The following AKAP10 variants were observed in gnomAD, a reference collection of about 807,000 sequenced individuals.
AKAP10 encodes A-kinase anchor protein 10, mitochondrial.
AKAP10 carries 24 observed loss-of-function variants against 80.8 expected under a neutral mutation model. The observed-to-expected ratio is 0.30, with a 90% confidence interval of 0.22 to 0.42. The LOEUF (loss-of-function observed/expected upper bound fraction) is 0.42. AKAP10 is among the 10% of genes least tolerant of loss of function. The pLI is 1.00. For synonymous variants in AKAP10, 291 were observed against 277.7 expected (o/e 1.05, Z -0.48); for missense variants, 661 against 794.9 (o/e 0.83, Z 2.03).
intron 12 of AKAP10, among the ~76,000 whole-genome samples, chr17:19,913,460 T>C (rs145287647): frequency 9.9e-5 from 15 of 152,224 alleles, no homozygotes; most frequent in African/African-American, 3.4e-4. Flanking sequence ...CCCTAATTGT[T>C]GTATTTTTAA....
chr17:19,973,516 C>A (rs956222448), intron 1 of AKAP10, among the ~76,000 whole-genome samples: 1 of 152,178 alleles, frequency 6.6e-6, no homozygotes, highest in Non-Finnish European at 1.5e-5. Flanking sequence ...TATCTTTTCC[C>A]AACTAGGAAC....
chr17:19,962,072 TACCACTGC>T, intron 3 of AKAP10, among the ~76,000 whole-genome samples: 2 of 152,006 alleles, frequency 1.3e-5, no homozygotes, highest in Admixed American at 6.6e-5. Context: ...ACCATGATCA[TACCACTGC>T]ACTCCAGCCT....
intron 1 of AKAP10, 31 bp from the exon 2 acceptor site, chr17:19,968,492 T>A: frequency 6.3e-7 from 1 of 1,583,660 alleles, no homozygotes; most frequent in Non-Finnish European, 8.7e-7. Flanking sequence ...TATGACCAAC[T>A]TTTGCAGTCA....
In AKAP10 at chr17:19,973,984, C is replaced by T. The variant is rs188635944; in HGVS notation, c.88+3608G>A. On this transcript the variant is annotated intron_variant, in intron 1 of 14. Coordinates refer to ENST00000225737, the MANE Select transcript of AKAP10 (RefSeq NM_007202.4). The stretch of plus-strand genomic sequence containing the variant: ...TTGGGAGGCCGAGGCAGGCAGATCA[C>T]CTGAGGTCAGGAGTACAAAACCAGC... Among the ~76,000 whole-genome samples, 91 of 152,264 alleles carry T rather than the reference C, an allele frequency of 6.0e-4. No individual in the cohort carries two copies. The Middle Eastern group carries it at 0.034, about 57-fold the overall frequency.
chr17:19,918,746 G>A (rs1017547773), intron 12 of AKAP10, among the ~76,000 whole-genome samples: 1 of 152,022 alleles, frequency 6.6e-6, no homozygotes, highest in African/African-American at 2.4e-5. Context: ...CATCTGTCAC[G>A]GATCCACATT....
At chr17:19,955,436 A>C (rs1456030476) in intron 4 of AKAP10, among the ~76,000 whole-genome samples, 1 of 152,166 alleles carries the variant, frequency 6.6e-6, no homozygotes, top group East Asian at 1.9e-4. Flanking sequence ...CTTACTATAT[A>C]TAATATTTGA....
chr17:19,971,056 G>A (rs537163271), intron 1 of AKAP10, among the ~76,000 whole-genome samples: 20 of 151,568 alleles, frequency 1.3e-4, no homozygotes, highest in African/African-American at 3.9e-4. Context: ...TTGCTATCTC[G>A]CCCAGGCTAG....
chr17:19,906,807 G>C (rs2042635872), intron 14 of AKAP10, among the ~76,000 whole-genome samples: 1 of 152,192 alleles, frequency 6.6e-6, no homozygotes, highest in African/African-American at 2.4e-5. Flanking sequence ...ACAGGATAAA[G>C]AGAATGAGTA....
chr17:19,953,691 C>G (rs1567770531), intron 4 of AKAP10, among the ~76,000 whole-genome samples: 1 of 152,148 alleles, frequency 6.6e-6, no homozygotes, highest in Admixed American at 6.5e-5. Context: ...AGTCCTATAT[C>G]TATTAAATAA....
intron 2 of AKAP10, among the ~76,000 whole-genome samples, chr17:19,965,749 C>A (rs1319828026): frequency 1.3e-5 from 2 of 152,156 alleles, no homozygotes; most frequent in Non-Finnish European, 2.9e-5. Flanking sequence ...GTGCTTCACT[C>A]AGTTTGACTA....
At chr17:19,935,883 T>C (rs1454338339) in intron 9 of AKAP10, 1 of 153,472 alleles carries the variant, frequency 6.5e-6, no homozygotes, top group Non-Finnish European at 1.5e-5. Flanking sequence ...TCTAAAATAA[T>C]GATTAAAAGT....
At chr17:19,967,216 C>T (rs1011624618) in intron 2 of AKAP10, among the ~76,000 whole-genome samples, 4 of 152,152 alleles carry the variant, frequency 2.6e-5, no homozygotes, top group Admixed American at 2.6e-4. Flanking sequence ...TCTCTGTACA[C>T]TGGACAAATA....
chr17:19,952,464 CAATAAATA>C lies in AKAP10; in HGVS notation c.878-4967_878-4960del, dbSNP rs57806192. On this transcript the variant is annotated intron_variant, in intron 4 of 14. Coordinates refer to ENST00000225737, the MANE Select transcript of AKAP10 (RefSeq NM_007202.4). ...GGGCAACAAGAGCAAAACTCTGTCT[CAATAAATA>C]AATAAATAAATAAATAAATAAATAA... is the stretch of plus-strand genomic sequence containing the variant. 4.5e-3 allele frequency among the ~76,000 whole-genome samples: 674 copies of C among 148,198 alleles called. 1 individual carries two copies. The highest frequency in any genetic ancestry group is 8.4e-3 in the African/African-American group (335 of 39,958).
intron 10 of AKAP10, among the ~76,000 whole-genome samples, chr17:19,931,556 A>G (rs1377116546): frequency 6.6e-6 from 1 of 151,904 alleles, no homozygotes; most frequent in Non-Finnish European, 1.5e-5. Flanking sequence ...ATGCCCGGCT[A>G]ATTTTTGTAT....
intron 4 of AKAP10, among the ~76,000 whole-genome samples, chr17:19,954,415 G>A (rs776572808): frequency 4.6e-5 from 7 of 151,138 alleles, no homozygotes; most frequent in South Asian, 2.1e-4. Context: ...AAAATCTGAC[G>A]TAACCCTCAT....
intron 1 of AKAP10, among the ~76,000 whole-genome samples, chr17:19,975,865 AAAAAC>A (rs1246708091): frequency 1.3e-5 from 2 of 152,188 alleles, no homozygotes; most frequent in African/African-American, 2.4e-5. Flanking sequence ...CCCCCCTTAA[AAAAAC>A]AAAAGTTAAC....
At position 19,916,798 on chromosome 17, in the gene AKAP10, G is replaced by A. The variant is rs555014183; in HGVS notation, c.1834+3238C>T. 8.6e-5 allele frequency among the ~76,000 whole-genome samples: 13 copies of A among 151,872 alleles called. No individual in the cohort carries two copies. In the South Asian group the frequency reaches 1.0e-3, roughly 12 times the overall value. On this transcript the variant is annotated intron_variant, in intron 12 of 14. Transcript: ENST00000225737. ...TAAAAATACAAAAAATTAGCCGGGC[G>A]TGGTGGCGAGCGCCTGTGGTCCCTG... is the stretch of plus-strand genomic sequence containing the variant.
In AKAP10 at chr17:19,930,404, T is replaced by C. The variant is rs901199217; in HGVS notation, c.1641+1401A>G. Among the ~76,000 whole-genome samples the C allele has an allele frequency of 2.0e-5, 3 of 152,188 alleles. No homozygotes were observed. In the South Asian group the frequency reaches 6.2e-4, roughly 32 times the overall value. ...GAGGAGAATCAGGTATGGTTTAACATATGAAAGCACTCCAAAAAACCCAAA... is the reference window on the plus strand; with the variant it reads ...GAGGAGAATCAGGTATGGTTTAACACATGAAAGCACTCCAAAAAACCCAAA... On this transcript the variant is annotated intron_variant, in intron 10 of 14. Transcript: ENST00000225737.
At chr17:19,948,489 C>G (rs1250852128) in intron 4 of AKAP10, among the ~76,000 whole-genome samples, 1 of 152,118 alleles carries the variant, frequency 6.6e-6, no homozygotes, top group African/African-American at 2.4e-5. Context: ...AGAGCAGCCA[C>G]AGCAGCAATG....
Sources: gnomAD v4.1 joint callset for allele counts (sites outside exome capture counted in the v4.1 genomes callset) on GRCh38, gnomAD v4.1.1 for gene constraint, MANE v1.5 for transcripts, NCBI Gene and HGNC (gene_info 2026-07-23, HGNC 2026-07-21) for gene names.